Variants in OLFM3 observed in about 807,000 individuals in gnomAD.
OLFM3 encodes the protein olfactomedin 3.
A neutral mutation model predicts 48.6 loss-of-function variants in OLFM3; 20 were observed. The observed-to-expected ratio is 0.41, with a 90% CI of 0.29 to 0.60. OLFM3 has a LOEUF of 0.60. OLFM3 is among the 20% of genes least tolerant of loss of function. The pLI is 0.28. For synonymous variants in OLFM3, 222 were observed against 198.1 expected, an observed-to-expected ratio of 1.12 and a Z score of -1.01; for missense variants, 437 against 544.3, an observed-to-expected ratio of 0.80 and a Z score of 1.96.
intron 1 of OLFM3, among the ~76,000 whole-genome samples, chr1:101,908,408 C>T (rs1475004554): frequency 6.6e-6 from 1 of 152,130 alleles, no homozygotes; most frequent in Non-Finnish European, 1.5e-5. Flanking sequence ...GTGCTAAAAG[C>T]TCTTGAAATT....
intron 1 of OLFM3, among the ~76,000 whole-genome samples, chr1:101,867,592 T>C (rs190301601): frequency 6.6e-6 from 1 of 152,210 alleles, no homozygotes; most frequent in Non-Finnish European, 1.5e-5. Context: ...ATTTATCCCA[T>C]TAGGTCAGAA....
intron 1 of OLFM3, among the ~76,000 whole-genome samples, chr1:101,961,435 CT>C (rs1235627757): frequency 1.3e-5 from 2 of 151,788 alleles, no homozygotes; most frequent in African/African-American, 2.4e-5. Context: ...CATTTAAAGC[CT>C]TTTTTGTTAG....
In OLFM3 at chr1:101,917,113, G is replaced by A. The variant is rs114647243; in HGVS notation, c.69+79635C>T. Among the ~76,000 whole-genome samples the A allele has an allele frequency of 4.1e-3, 629 of 152,144 alleles. 4 individuals carry two copies. The highest frequency in any genetic ancestry group is 0.014 in the African/African-American group (596 of 41,512). ...TATTTATGTTATTTATGATTTAAGA[G>A]TACAATATTCTGTTATGTGTGCCAA... is the stretch of plus-strand genomic sequence containing the variant. On this transcript the variant is annotated intron_variant, in intron 1 of 5. Coordinates refer to ENST00000370103, the MANE Select transcript of OLFM3 (RefSeq NM_058170.4).
intron 1 of OLFM3, among the ~76,000 whole-genome samples, chr1:101,928,477 A>C (rs1659345776): frequency 6.6e-6 from 1 of 152,134 alleles, no homozygotes; most frequent in Non-Finnish European, 1.5e-5. Flanking sequence ...TTTTACTGGC[A>C]GTCTACCCAG....
intron 1 of OLFM3, among the ~76,000 whole-genome samples, chr1:101,995,716 G>A (rs1661537419): frequency 6.6e-6 from 1 of 152,156 alleles, no homozygotes; most frequent in Non-Finnish European, 1.5e-5. Flanking sequence ...CACACATGAT[G>A]TAAAGCTTTA....
chr1:101,867,022 A>G (rs992351435), intron 1 of OLFM3, among the ~76,000 whole-genome samples: 4 of 152,204 alleles, frequency 2.6e-5, no homozygotes, highest in Non-Finnish European at 5.9e-5. Flanking sequence ...GATGCAGTCA[A>G]TGGGGCAGCA....
At chr1:101,831,853 A>G (rs1655166209) in intron 2 of OLFM3, among the ~76,000 whole-genome samples, 1 of 152,230 alleles carries the variant, frequency 6.6e-6, no homozygotes, top group South Asian at 2.1e-4. Flanking sequence ...CAATGAGAAA[A>G]GCAAATGTAA....
At chr1:101,855,177 T>C (rs1002855539) in intron 1 of OLFM3, among the ~76,000 whole-genome samples, 2 of 152,236 alleles carry the variant, frequency 1.3e-5, no homozygotes, top group African/African-American at 4.8e-5. Flanking sequence ...GCCTGTCCTA[T>C]GTTTTATTGA....
intron 1 of OLFM3, among the ~76,000 whole-genome samples, chr1:101,974,985 C>T (rs183082133): frequency 2.0e-4 from 31 of 152,258 alleles, no homozygotes; most frequent in Admixed American, 1.4e-3. Context: ...TTTACCATGG[C>T]ATTTGTCTTC....
At chr1:101,897,800 ACT>A (rs2101014330) in intron 1 of OLFM3, among the ~76,000 whole-genome samples, 1 of 152,276 alleles carries the variant, frequency 6.6e-6, no homozygotes, top group African/African-American at 2.4e-5. Flanking sequence ...AATCCAAGTA[ACT>A]CATGTGATGC....
intron 1 of OLFM3, among the ~76,000 whole-genome samples, chr1:101,903,005 G>A (rs375030094): frequency 3.3e-5 from 5 of 152,048 alleles, no homozygotes; most frequent in African/African-American, 1.2e-4. Context: ...CAGCAGCAGT[G>A]GAAATCCACT....
In OLFM3 at chr1:101,932,609, C is replaced by T. The variant is rs569276423; in HGVS notation, c.69+64139G>A. On this transcript the variant is annotated intron_variant, in intron 1 of 5. Transcript: ENST00000370103. ...CACAGTGAAATCCCTAACGGCATGA[C>T]AGAAGATAAAAGCAAAGCAAAGCAA... Among the ~76,000 whole-genome samples, 6 of 152,174 alleles carry T rather than the reference C, an allele frequency of 3.9e-5. No homozygotes were observed. In the East Asian group the frequency reaches 7.7e-4, roughly 20 times the overall value.
At chr1:101,916,180 C>T (rs568168869) in intron 1 of OLFM3, among the ~76,000 whole-genome samples, 2 of 152,170 alleles carry the variant, frequency 1.3e-5, no homozygotes, top group African/African-American at 4.8e-5. Context: ...TGTGTGTTTT[C>T]TTTGTGCCAG....
intron 1 of OLFM3, chr1:101,893,377 T>A: frequency 2.6e-6 from 1 of 386,018 alleles, no homozygotes; most frequent in Middle Eastern, 5.1e-4. Flanking sequence ...CCCAGGGCCA[T>A]GGGGAACAGA....
At chr1:101,938,937 T>G (rs2101056783) in intron 1 of OLFM3, among the ~76,000 whole-genome samples, 1 of 152,314 alleles carries the variant, frequency 6.6e-6, no homozygotes, top group Admixed American at 6.5e-5. Context: ...GGAGTCCTTG[T>G]TGAGAGACTG....
At position 101,853,258 on chromosome 1, in the gene OLFM3, T is replaced by C. The variant is rs370935963; in HGVS notation, c.70-16233A>G. On this transcript the variant is annotated intron_variant, in intron 1 of 5. Coordinates refer to ENST00000370103, the MANE Select transcript of OLFM3 (RefSeq NM_058170.4). ...TTTCTCAGAGATGCAAGGCAATCTTTCACCTTAGGGACTTTGCACTTGCCC... is the reference window on the plus strand; with the variant it reads ...TTTCTCAGAGATGCAAGGCAATCTTCCACCTTAGGGACTTTGCACTTGCCC... 8.5e-5 allele frequency among the ~76,000 whole-genome samples: 13 copies of C among 152,180 alleles called. No homozygotes were observed. The East Asian group carries it at 2.3e-3, about 27-fold the overall frequency.
intron 1 of OLFM3, among the ~76,000 whole-genome samples, chr1:101,951,470 T>C (rs1246070948): frequency 6.6e-6 from 1 of 152,150 alleles, no homozygotes; most frequent in East Asian, 1.9e-4. Flanking sequence ...TCATGATTAG[T>C]TTGAACTAAT....
At position 101,828,066 on chromosome 1, in the gene OLFM3, G is replaced by GTCTCTCTC. The variant is rs200924384; in HGVS notation, c.372+2598_372+2605dup. On this transcript the variant is annotated intron_variant, in intron 3 of 5. Transcript: ENST00000370103. Reference sequence around the variant, plus strand: ...TGTCTGTCTGTCTCTCTCTCTCTCTGTCTCTCTCTCTCTCCTCCTGCCTTG... The same window carrying GTCTCTCTC: ...TGTCTGTCTGTCTCTCTCTCTCTCTGTCTCTCTCTCTCTCTCTCTCTCCTCCTGCCTTG... Among the ~76,000 whole-genome samples, 195 of 141,962 alleles carry GTCTCTCTC rather than the reference G, an allele frequency of 1.4e-3. 1 individual carries two copies. The highest frequency in any genetic ancestry group is 3.6e-3 in the Middle Eastern group (1 of 278). The allele number at this position is 141,962 out of a possible 152,430, so 93.1% of individuals were successfully genotyped here. A position where few individuals can be genotyped will look rare whatever the true frequency, so the allele number is the denominator to read the frequency against.
At chr1:101,889,602 G>T (rs987626485) in intron 1 of OLFM3, among the ~76,000 whole-genome samples, 8 of 151,998 alleles carry the variant, frequency 5.3e-5, no homozygotes, top group Non-Finnish European at 8.8e-5. Context: ...GTATACATAT[G>T]TAACAAACCT....
Sources: allele counts gnomAD v4.1 joint callset (sites outside exome capture counted in the v4.1 genomes callset), GRCh38; gene constraint gnomAD v4.1.1; transcripts MANE v1.5; gene names NCBI Gene and HGNC (gene_info 2026-07-23, HGNC 2026-07-21).